FBXL17: variants seen among roughly 807,000 people sequenced by gnomAD.
FBXL17 encodes F-box and leucine rich repeat protein 17.
A neutral mutation model predicts 66.2 loss-of-function variants in FBXL17; 22 were observed. The ratio of observed to expected loss-of-function variants is 0.33; its 90% confidence interval spans 0.24 to 0.47. The LOEUF (loss-of-function observed/expected upper bound fraction) is 0.47. FBXL17 is among the 20% of genes least tolerant of loss of function. The pLI, the probability that FBXL17 is intolerant of heterozygous loss-of-function variation, is 1.00. For synonymous variants in FBXL17, 474 were observed against 400.5 expected (o/e 1.18, Z -2.19); for missense variants, 878 against 948.2 (o/e 0.93, Z 0.97).
chr5:108,142,791 A>T (rs535352037), intron 6 of FBXL17, among the ~76,000 whole-genome samples: 4 of 152,144 alleles, frequency 2.6e-5, no homozygotes, highest in African/African-American at 9.6e-5. Context: ...AAGTATTATG[A>T]CCTGAGCTAA....
chr5:108,323,874 A>G (rs956590635), intron 4 of FBXL17, among the ~76,000 whole-genome samples: 1 of 152,090 alleles, frequency 6.6e-6, no homozygotes, highest in Non-Finnish European at 1.5e-5. Context: ...GGGAAACTGG[A>G]TATCTACATG....
At chr5:108,097,374 G>A (rs1749411031) in intron 6 of FBXL17, among the ~76,000 whole-genome samples, 1 of 152,100 alleles carries the variant, frequency 6.6e-6, no homozygotes, top group African/African-American at 2.4e-5. Context: ...TATATTACTT[G>A]GACAAAAGCC....
chr5:108,288,321 G>C (rs145285927), intron 4 of FBXL17, among the ~76,000 whole-genome samples: 4 of 151,490 alleles, frequency 2.6e-5, no homozygotes, highest in African/African-American at 9.7e-5. Flanking sequence ...AAAAAGTTGT[G>C]AGAGTTACCA....
intron 8 of FBXL17, among the ~76,000 whole-genome samples, chr5:107,876,967 T>A (rs987667834): frequency 1.3e-5 from 2 of 152,196 alleles, no homozygotes; most frequent in African/African-American, 4.8e-5. Flanking sequence ...AGTTGATAGG[T>A]GATTTCGGGT....
At chr5:108,296,329 T>C (rs1758348852) in intron 4 of FBXL17, among the ~76,000 whole-genome samples, 1 of 151,828 alleles carries the variant, frequency 6.6e-6, no homozygotes, top group South Asian at 2.1e-4. Context: ...CAGCTGACAC[T>C]ACAAGTCTTC....
chr5:108,072,407 C>T (rs1302462113), intron 6 of FBXL17, among the ~76,000 whole-genome samples: 1 of 152,148 alleles, frequency 6.6e-6, no homozygotes, highest in Non-Finnish European at 1.5e-5. Flanking sequence ...TCGACAGAAA[C>T]GTTCCTTAGA....
chr5:108,330,197 G>C (rs189337102), intron 4 of FBXL17, among the ~76,000 whole-genome samples: 1 of 152,114 alleles, frequency 6.6e-6, no homozygotes, highest in African/African-American at 2.4e-5. Context: ...TAGTTTTCTA[G>C]GGTATAAAAT....
At position 108,057,543 on chromosome 5, in the gene FBXL17, A is replaced by ATGGATT. The variant is rs536244568; in HGVS notation, c.1746-36548_1746-36543dup. Reference sequence around the variant, plus strand: ...TTTCTTTTTGGAGCCTTTCTGATGCATGGATTTGATCTGTACACAATTCAG... The same window carrying ATGGATT: ...TTTCTTTTTGGAGCCTTTCTGATGCATGGATTTGGATTTGATCTGTACACAATTCAG... On this transcript the variant is annotated intron_variant, in intron 6 of 8. Coordinates refer to ENST00000542267, the MANE Select transcript of FBXL17 (RefSeq NM_001163315.3). 8.8e-4 allele frequency among the ~76,000 whole-genome samples: 134 copies of ATGGATT among 152,294 alleles called. 1 individual carries two copies. The South Asian group carries it at 0.026, about 30-fold the overall frequency.
chr5:108,045,902 G>A (rs911465415), intron 6 of FBXL17, among the ~76,000 whole-genome samples: 1 of 152,116 alleles, frequency 6.6e-6, no homozygotes, highest in Non-Finnish European at 1.5e-5. Flanking sequence ...TGGCATGTGC[G>A]ACATGGTTAC....
intron 7 of FBXL17, among the ~76,000 whole-genome samples, chr5:107,919,135 GA>G (rs1332517909): frequency 6.6e-6 from 1 of 151,778 alleles, no homozygotes; most frequent in East Asian, 1.9e-4. Context: ...GTCAAAAAAA[GA>G]AAAAAAATTG....
At position 108,341,516 on chromosome 5, in the gene FBXL17, A is replaced by C. The variant is rs528466134; in HGVS notation, c.1506+6883T>G. Among the ~76,000 whole-genome samples the C allele has an allele frequency of 2.0e-5, 3 of 152,270 alleles. No individual in the cohort carries two copies. The East Asian group carries it at 5.8e-4, about 29-fold the overall frequency. Reference sequence around the variant, plus strand: ...CTGTCAATTTATGGGTGACAGGCATACAGCTGTTATTACTCCTTTTTGTAT... The same window carrying C: ...CTGTCAATTTATGGGTGACAGGCATCCAGCTGTTATTACTCCTTTTTGTAT... On this transcript the variant is annotated intron_variant, in intron 4 of 8. Coordinates refer to ENST00000542267, the MANE Select transcript of FBXL17 (RefSeq NM_001163315.3).
chr5:108,080,171 C>T (rs1193258439), intron 6 of FBXL17, among the ~76,000 whole-genome samples: 1 of 152,142 alleles, frequency 6.6e-6, no homozygotes, highest in African/African-American at 2.4e-5. Flanking sequence ...GAACTACAAC[C>T]AGATAAATTT....
intron 7 of FBXL17, among the ~76,000 whole-genome samples, chr5:107,936,418 T>A (rs1389537927): frequency 2.0e-5 from 3 of 152,214 alleles, no homozygotes; most frequent in African/African-American, 7.2e-5. Flanking sequence ...GCAAGTTACT[T>A]AATTTACTAT....
At chr5:108,348,639 T>C in intron 3 of FBXL17, 109 bp from the exon 4 acceptor site, 1 of 1,063,190 alleles carries the variant, frequency 9.4e-7, no homozygotes, top group South Asian at 1.6e-5. Flanking sequence ...AGTTAAATAT[T>C]TATGTTACTT....
intron 4 of FBXL17, chr5:108,298,985 G>A (rs1014867248): frequency 1.0e-6 from 1 of 972,048 alleles, no homozygotes; most frequent in Non-Finnish European, 1.2e-6. Flanking sequence ...TGTATTAGGA[G>A]AGTATAACAC....
chr5:108,200,231 G>A (rs910109994), intron 5 of FBXL17, among the ~76,000 whole-genome samples: 1 of 152,024 alleles, frequency 6.6e-6, no homozygotes, highest in Non-Finnish European at 1.5e-5. Flanking sequence ...TGGCATTCCT[G>A]TCTCCCACTA....
chr5:108,134,462 A>T (rs1329844991), intron 6 of FBXL17, among the ~76,000 whole-genome samples: 1 of 152,194 alleles, frequency 6.6e-6, no homozygotes, highest in Non-Finnish European at 1.5e-5. Flanking sequence ...AATAACAGAT[A>T]GATATAATTT....
At chr5:107,915,272 A>T (rs1750087467) in intron 7 of FBXL17, among the ~76,000 whole-genome samples, 1 of 152,176 alleles carries the variant, frequency 6.6e-6, no homozygotes, top group African/African-American at 2.4e-5. Flanking sequence ...CCAATTTTTT[A>T]AATTTGTATA....
chr5:108,049,006 C>T (rs867052953), intron 6 of FBXL17, among the ~76,000 whole-genome samples: 8 of 152,146 alleles, frequency 5.3e-5, no homozygotes, highest in Middle Eastern at 6.8e-3. Flanking sequence ...ATCAGATTCT[C>T]CAAGGTTGAA....
Sources: gnomAD v4.1 joint callset for allele counts (sites outside exome capture counted in the v4.1 genomes callset) on GRCh38, gnomAD v4.1.1 for gene constraint, MANE v1.5 for transcripts, NCBI Gene and HGNC (gene_info 2026-07-23, HGNC 2026-07-21) for gene names.